MARCHF1: variants seen among roughly 807,000 people sequenced by gnomAD.
MARCHF1 encodes E3 ubiquitin-protein ligase MARCHF1.
A neutral mutation model predicts 54.2 loss-of-function variants in MARCHF1; 40 were observed. The ratio of observed to expected loss-of-function variants is 0.74; its 90% confidence interval spans 0.57 to 0.96. The LOEUF is 0.96. MARCHF1 is among the 40% of genes least tolerant of loss of function. The probability of loss-of-function intolerance (pLI) is 0.00; values close to 1 mark genes in which losing one functional copy is unlikely to be tolerated. For missense variants in MARCHF1, 586 were observed against 656.5 expected (o/e 0.89, Z 1.17); for synonymous variants, 236 against 236.3 (o/e 1.00, Z 0.01).
intron 7 of MARCHF1, among the ~76,000 whole-genome samples, chr4:163,599,936 A>G (rs1248186860): frequency 2.0e-5 from 3 of 152,214 alleles, no homozygotes; most frequent in Non-Finnish European, 4.4e-5. Context: ...GGCTGTTGAA[A>G]GCTACTGTAT....
At chr4:163,570,796 T>C (rs1259851707) in intron 8 of MARCHF1, among the ~76,000 whole-genome samples, 2 of 152,130 alleles carry the variant, frequency 1.3e-5, no homozygotes, top group Non-Finnish European at 2.9e-5. Context: ...CAGCTAGAAC[T>C]TAGTAGGGAC....
At chr4:163,951,446 G>A (rs1752132822) in intron 3 of MARCHF1, among the ~76,000 whole-genome samples, 1 of 152,142 alleles carries the variant, frequency 6.6e-6, no homozygotes, top group Non-Finnish European at 1.5e-5. Flanking sequence ...AGGATACACA[G>A]GCAAAACCAA....
chr4:163,669,155 C>T (rs543039664), intron 5 of MARCHF1, among the ~76,000 whole-genome samples: 13 of 152,210 alleles, frequency 8.5e-5, no homozygotes, highest in African/African-American at 2.9e-4. Flanking sequence ...ACCTGGAGTA[C>T]GTACATTGGT....
At chr4:164,164,517 CT>C (rs1730321610) in intron 1 of MARCHF1, among the ~76,000 whole-genome samples, 1 of 151,988 alleles carries the variant, frequency 6.6e-6, no homozygotes, top group South Asian at 2.1e-4. Flanking sequence ...ACCCTGAAAA[CT>C]TCTAGCCGTA....
At chr4:163,633,779 C>A (rs1304062890) in intron 5 of MARCHF1, among the ~76,000 whole-genome samples, 1 of 151,964 alleles carries the variant, frequency 6.6e-6, no homozygotes, top group African/African-American at 2.4e-5. Context: ...AGAGCAACTC[C>A]AAGACACATA....
At position 163,528,772 on chromosome 4, in the gene MARCHF1, G is replaced by T. The variant is rs776042187; in HGVS notation, c.1614C>A (p.Gly538=). ...GANSLPSAEG[G]PPEVVSV is the part of the protein sequence containing the mutation. ...ATCAGACTGATACAACTTCAGGGGG[G>T]CCACCCTCTGCAGATGGCAGTGAAT... Residue 538 remains glycine (G), a synonymous_variant, in exon 10 of 10, where the codon GGC becomes GGA. Transcript: ENST00000514618. The T allele has an allele frequency of 6.2e-7, 1 of 1,612,242 alleles. No homozygotes were observed. The highest frequency in any genetic ancestry group is 8.5e-7 in the Non-Finnish European group (1 of 1,178,834).
chr4:163,762,621 T>C (rs1462015469), intron 4 of MARCHF1, among the ~76,000 whole-genome samples: 1 of 152,106 alleles, frequency 6.6e-6, no homozygotes, highest in African/African-American at 2.4e-5. Flanking sequence ...CATCATTTCT[T>C]TGACCGTTGT....
chr4:164,273,899 G>A (rs887651298), intron 1 of MARCHF1, among the ~76,000 whole-genome samples: 2 of 152,296 alleles, frequency 1.3e-5, no homozygotes, highest in East Asian at 1.9e-4. Context: ...AGGCAATTGA[G>A]AGCTGTTCCA....
intron 9 of MARCHF1, among the ~76,000 whole-genome samples, chr4:163,539,531 G>A (rs1265362540): frequency 1.3e-5 from 2 of 152,228 alleles, no homozygotes; most frequent in Admixed American, 6.5e-5. Flanking sequence ...TAGGTTAAGA[G>A]CGGGGCTTTC....
At position 163,585,831 on chromosome 4, in the gene MARCHF1, C is replaced by G; in HGVS notation, c.1109G>C (p.Trp370Ser). The G allele has an allele frequency of 6.2e-7, 1 of 1,613,982 alleles. No homozygotes were observed. Among genetic ancestry groups the G allele is most frequent in the Non-Finnish European group, 8.5e-7 (1 of 1,179,946 alleles). ...RFVHQSCLHQ[W>S]IKSSDTRCCE... is the part of the protein sequence containing the mutation. ...GCAGCGTGTATCTGAGCTCTTTATC[C>G]ACTGGTGGAGGCAGGACTGGTGGAC... Residue 370 changes from tryptophan to serine, a missense_variant, in exon 8 of 10, where the codon TGG becomes TCG. Coordinates refer to ENST00000514618, the MANE Select transcript of MARCHF1 (RefSeq NM_001394959.1).
chr4:164,345,180 T>C (rs1202640132), intron 1 of MARCHF1, among the ~76,000 whole-genome samples: 1 of 152,172 alleles, frequency 6.6e-6, no homozygotes, highest in Non-Finnish European at 1.5e-5. Flanking sequence ...GATGGCTATG[T>C]TAATACCCTG....
intron 4 of MARCHF1, among the ~76,000 whole-genome samples, chr4:163,845,828 A>G (rs1476517539): frequency 6.6e-6 from 1 of 152,202 alleles, no homozygotes; most frequent in Admixed American, 6.5e-5. Context: ...CAGTAACTAT[A>G]CAATTAAAGT....
At chr4:164,093,265 T>G (rs955035206) in intron 2 of MARCHF1, among the ~76,000 whole-genome samples, 1 of 152,138 alleles carries the variant, frequency 6.6e-6, no homozygotes, top group Non-Finnish European at 1.5e-5. Flanking sequence ...ACAGGAGGAA[T>G]TACCATCCCT....
chr4:164,361,490 C>T (rs775575833), intron 1 of MARCHF1, among the ~76,000 whole-genome samples: 1 of 152,216 alleles, frequency 6.6e-6, no homozygotes, highest in Admixed American at 6.5e-5. Flanking sequence ...ACTGAAACTG[C>T]TGTTTATCTA....
intron 2 of MARCHF1, among the ~76,000 whole-genome samples, chr4:164,095,534 G>A (rs545013723): frequency 1.3e-5 from 2 of 151,932 alleles, no homozygotes; most frequent in South Asian, 2.1e-4. Flanking sequence ...TGTGTCAAGA[G>A]TATGAAATAA....
At chr4:163,649,023 A>C (rs1222714343) in intron 5 of MARCHF1, among the ~76,000 whole-genome samples, 3 of 151,988 alleles carry the variant, frequency 2.0e-5, no homozygotes, top group Non-Finnish European at 4.4e-5. Flanking sequence ...TGTTGAAAGC[A>C]AACTACTATT....
intron 4 of MARCHF1, among the ~76,000 whole-genome samples, chr4:163,741,291 T>C (rs895099987): frequency 6.6e-6 from 1 of 152,138 alleles, no homozygotes; most frequent in Non-Finnish European, 1.5e-5. Flanking sequence ...TGTTAGTACC[T>C]GTATGTGTAC....
chr4:163,574,939 A>C (rs1031573834), intron 8 of MARCHF1, among the ~76,000 whole-genome samples: 2 of 151,876 alleles, frequency 1.3e-5, no homozygotes, highest in African/African-American at 4.8e-5. Context: ...GATTCTTCCT[A>C]CCCATGAGCA....
At chr4:164,105,432 A>T (rs996128601) in intron 2 of MARCHF1, among the ~76,000 whole-genome samples, 8 of 150,340 alleles carry the variant, frequency 5.3e-5, no homozygotes, top group East Asian at 2.0e-4. Flanking sequence ...GATCAATGGA[A>T]CAGAACAGAG....
Sources: allele counts gnomAD v4.1 joint callset (sites outside exome capture counted in the v4.1 genomes callset), GRCh38; gene constraint gnomAD v4.1.1; transcripts MANE v1.5; gene names NCBI Gene and HGNC (gene_info 2026-07-23, HGNC 2026-07-21).